The following TRA2A variants were observed in gnomAD, a reference collection of about 807,000 sequenced individuals.
The protein encoded by TRA2A is transformer-2 protein homolog alpha.
TRA2A carries 31 observed loss-of-function variants against 45.7 expected under a neutral mutation model. The ratio of observed to expected loss-of-function variants is 0.68; its 90% CI spans 0.51 to 0.92. TRA2A has a LOEUF of 0.92. TRA2A is among the 40% of genes least tolerant of loss of function. The probability of loss-of-function intolerance (pLI) is 0.00; values close to 1 mark genes in which losing one functional copy is unlikely to be tolerated. For missense variants in TRA2A, 304 were observed against 367.5 expected, an observed-to-expected ratio of 0.83 and a Z score of 1.41; for synonymous variants, 132 against 126.2, an observed-to-expected ratio of 1.05 and a Z score of -0.31.
At chr7:23,524,489 C>T (rs1790261835) in intron 1 of TRA2A, among the ~76,000 whole-genome samples, 1 of 151,626 alleles carries the variant, frequency 6.6e-6, no homozygotes. Flanking sequence ...CGGCCAACAT[C>T]AGATTTATTT....
At chr7:23,506,813 T>C (rs1789358307) in intron 5 of TRA2A, among the ~76,000 whole-genome samples, 2 of 152,236 alleles carry the variant, frequency 1.3e-5, no homozygotes, top group South Asian at 4.1e-4. Context: ...TCTTGCTCTG[T>C]CGCCCAGGCT....
At chr7:23,521,148 T>C (rs898038825) in intron 2 of TRA2A, among the ~76,000 whole-genome samples, 1 of 152,222 alleles carries the variant, frequency 6.6e-6, no homozygotes, top group Non-Finnish European at 1.5e-5. Context: ...AGCTCTACGC[T>C]GGACAGAGTC....
chr7:23,517,975 G>A (rs540189174), intron 2 of TRA2A, among the ~76,000 whole-genome samples: 1 of 151,228 alleles, frequency 6.6e-6, no homozygotes, highest in Admixed American at 6.6e-5. Context: ...ATAGTTCTTT[G>A]TCGCCCAGGC....
In TRA2A at chr7:23,516,415, C is replaced by T. The variant is rs763443888; in HGVS notation, c.284G>A (p.Arg95Lys). The change falls in exon 3 of 8, where the codon AGG (arginine) becomes AAG (lysine). Residue 95 changes from arginine to lysine, a missense_variant. By Grantham distance (26) the Arg-to-Lys change is conservative. Transcript: ENST00000297071. The part of the protein sequence containing the change: ...RSYTPEYRRR[R>K]SRSHSPMSNR... ...AGACATTGGAGAATGGCTTCGGCTCCTTCGCCGCCGGTATTCTGGTGTATA... is the reference window on the plus strand; with the variant it reads ...AGACATTGGAGAATGGCTTCGGCTCTTTCGCCGCCGGTATTCTGGTGTATA... The T allele has an allele frequency of 5.6e-6, 9 of 1,614,110 alleles. No individual in the cohort carries two copies. The highest frequency in any genetic ancestry group is 1.7e-5 in the Admixed American group (1 of 60,012).
chr7:23,512,467 T>C (rs1157634524), intron 4 of TRA2A, among the ~76,000 whole-genome samples: 2 of 149,904 alleles, frequency 1.3e-5, no homozygotes, highest in Non-Finnish European at 3.0e-5. Context: ...AGATCCTATC[T>C]TTTTTTTTTG....
At chr7:23,518,875 C>T (rs1285824981) in intron 2 of TRA2A, among the ~76,000 whole-genome samples, 2 of 151,698 alleles carry the variant, frequency 1.3e-5, no homozygotes, top group South Asian at 2.1e-4. Context: ...TTAGTAGAGA[C>T]GGGGTCTCAA....
intron 1 of TRA2A, among the ~76,000 whole-genome samples, chr7:23,523,684 G>A (rs1184704575): frequency 6.6e-6 from 1 of 152,148 alleles, no homozygotes; most frequent in Non-Finnish European, 1.5e-5. Context: ...CTACCTACAA[G>A]TCTTTCACTG....
chr7:23,525,280 T>C (rs1438955735), intron 1 of TRA2A, among the ~76,000 whole-genome samples: 1 of 152,164 alleles, frequency 6.6e-6, no homozygotes, highest in Non-Finnish European at 1.5e-5. Context: ...CATAAAACTA[T>C]CCACAATTTG....
chr7:23,506,265 T>G lies in TRA2A; in HGVS notation c.643A>C (p.Ser215Arg). The change falls in exon 6 of 8, where the codon AGT (serine) becomes CGT (arginine). Residue 215 changes from serine to arginine, a missense_variant and splice_region_variant. This residue lies in a region of TRA2A where 130 missense variants were observed against 217.1 expected (regional missense o/e 0.60). Coordinates refer to ENST00000297071, the MANE Select transcript of TRA2A (RefSeq NM_013293.5). ...CCGCCTCCTCCACCACCCCCACCAC[T>G]ACTGCAGAAAAATGTAAAAATTCTC... ...PGIYMGRPTH[S>R]GGGGGGGGGG... 1 of 1,385,580 alleles carries G rather than the reference T, an allele frequency of 7.2e-7. No individual in the cohort carries two copies. Among genetic ancestry groups the G allele is most frequent in the Non-Finnish European group, 9.8e-7 (1 of 1,022,558 alleles). 85.8% of individuals were successfully genotyped at this position (1,385,580 alleles called of 1,614,324 possible). A position where few individuals can be genotyped will look rare whatever the true frequency, so the allele number is the denominator to read the frequency against.
At chr7:23,529,691 G>A (rs756470504) in intron 1 of TRA2A, among the ~76,000 whole-genome samples, 3 of 152,188 alleles carry the variant, frequency 2.0e-5, no homozygotes, top group Non-Finnish European at 2.9e-5. Context: ...GATACAACAG[G>A]TGAGCCTACA....
intron 1 of TRA2A, among the ~76,000 whole-genome samples, chr7:23,530,727 A>G (rs1790539772): frequency 6.6e-6 from 1 of 152,150 alleles, no homozygotes; most frequent in Non-Finnish European, 1.5e-5. Context: ...GACCCCAAAT[A>G]TATTAATAAA....
chr7:23,513,115 A>T (rs1333919982), intron 3 of TRA2A, 33 bp from the exon 4 acceptor site: 2 of 1,492,680 alleles, frequency 1.3e-6, no homozygotes, highest in South Asian at 1.2e-5. Flanking sequence ...AAAACTCCAA[A>T]TTAAAATCAA....
intron 2 of TRA2A, among the ~76,000 whole-genome samples, chr7:23,520,568 T>C (rs1178404108): frequency 4.6e-5 from 7 of 152,206 alleles, no homozygotes; most frequent in African/African-American, 1.7e-4. Flanking sequence ...GGACAGCCTT[T>C]TAACTGATTT....
intron 1 of TRA2A, among the ~76,000 whole-genome samples, chr7:23,526,644 C>G (rs1041858657): frequency 6.6e-6 from 1 of 152,150 alleles, no homozygotes; most frequent in African/African-American, 2.4e-5. Context: ...AATACTCTTA[C>G]AGACCCCTAT....
At chr7:23,505,717 T>C (rs780134307) in intron 7 of TRA2A, 29 bp downstream of exon 7, 1 of 1,474,706 alleles carries the variant, frequency 6.8e-7, no homozygotes, top group Non-Finnish European at 9.2e-7. Flanking sequence ...AATGAGGTTT[T>C]TTATGCTACA....
rs1364758735 is a variant in TRA2A, at chr7:23,511,294, C to T, written c.525+1600G>A. Among the ~76,000 whole-genome samples, 3 of 139,104 alleles carry T rather than the reference C, an allele frequency of 2.2e-5. No individual in the cohort carries two copies. In the Admixed American group the frequency reaches 2.4e-4, roughly 11 times the overall value. The allele number at this position is 139,104 out of a possible 152,430, so 91.3% of individuals were successfully genotyped here. A position where few individuals can be genotyped will look rare whatever the true frequency, so the allele number is the denominator to read the frequency against. On this transcript the variant is annotated intron_variant, in intron 4 of 7. Transcript: ENST00000297071. ...GCTGAGGCAGGAGAATGGCATGAACCCGGGAGGTAGAGCTTGCAGTGAGCT... is the reference window on the plus strand; with the variant it reads ...GCTGAGGCAGGAGAATGGCATGAACTCGGGAGGTAGAGCTTGCAGTGAGCT...
intron 1 of TRA2A, chr7:23,522,049 T>C (rs914161490): frequency 1.2e-5 from 17 of 1,390,612 alleles, no homozygotes; most frequent in African/African-American, 2.9e-5. Context: ...GATCACCAAT[T>C]CTCTATTAAC....
chr7:23,507,077 G>A (rs1789375392), intron 5 of TRA2A: 1 of 198,808 alleles, frequency 5.0e-6, no homozygotes, highest in Non-Finnish European at 1.0e-5. Context: ...AACATCGTGA[G>A]CCAGCCAGGA....
chr7:23,509,389 CAGA>C (rs1473504318), intron 4 of TRA2A, among the ~76,000 whole-genome samples: 1 of 152,058 alleles, frequency 6.6e-6, no homozygotes, highest in Non-Finnish European at 1.5e-5. Context: ...GTGAAATTTT[CAGA>C]ATCAGGGAGA....
Sources: gnomAD v4.1 joint callset for allele counts (sites outside exome capture counted in the v4.1 genomes callset) on GRCh38, gnomAD v4.1.1 for gene constraint, gnomAD v4.1.1 regional missense constraint, MANE v1.5 for transcripts, NCBI Gene and HGNC (gene_info 2026-07-23, HGNC 2026-07-21) for gene names.